ADAM18: variants seen among roughly 807,000 people sequenced by gnomAD.
The protein encoded by ADAM18 is ADAM metallopeptidase domain 18.
Under a neutral mutation model 94.4 loss-of-function variants are expected in ADAM18, and 117 were observed. That is an observed-to-expected ratio of 1.24 (90% CI 1.07 to 1.45). The LOEUF is 1.45. Ranked by LOEUF, ADAM18 falls within the 40% of genes most tolerant of loss-of-function variation. The pLI, the probability that ADAM18 is intolerant of heterozygous loss-of-function variation, is 0.00. For synonymous variants in ADAM18, 327 were observed against 291.6 expected (o/e 1.12, Z -1.24); for missense variants, 936 against 880.0 (o/e 1.06, Z -0.81).
intron 2 of ADAM18, among the ~76,000 whole-genome samples, chr8:39,596,421 GA>G (rs1818742105): frequency 6.6e-6 from 1 of 152,050 alleles, no homozygotes; most frequent in African/African-American, 2.4e-5. Context: ...GTTATAATTG[GA>G]ATCTTGAAGT....
At chr8:39,605,084 G>A (rs1235018859) in intron 2 of ADAM18, among the ~76,000 whole-genome samples, 1 of 152,076 alleles carries the variant, frequency 6.6e-6, no homozygotes, top group African/African-American at 2.4e-5. Flanking sequence ...TGGGTGATGA[G>A]CAGATAGCCT....
In ADAM18 at chr8:39,636,038, A is replaced by G. The variant is rs1292583559; in HGVS notation, c.589-1226A>G. ...TTTTTTTTTTGAGAGAGAGAGAGAG[A>G]GAGGGGGCCTCACTCTCTCATGCAG... On this transcript the variant is annotated intron_variant, in intron 7 of 19. Coordinates refer to ENST00000265707, the MANE Select transcript of ADAM18 (RefSeq NM_014237.3). Among the ~76,000 whole-genome samples the G allele has an allele frequency of 6.2e-5, 9 of 146,176 alleles. No individual in the cohort carries two copies. In the East Asian group the frequency reaches 9.8e-4, roughly 16 times the overall value.
intron 3 of ADAM18, among the ~76,000 whole-genome samples, chr8:39,608,057 G>T (rs995244680): frequency 6.6e-6 from 1 of 151,744 alleles, no homozygotes; most frequent in Admixed American, 6.6e-5. Context: ...AGTCATGTCA[G>T]GAATTGGCAA....
chr8:39,701,731 C>T (rs925123203), intron 17 of ADAM18, among the ~76,000 whole-genome samples: 6 of 152,032 alleles, frequency 3.9e-5, no homozygotes, highest in Admixed American at 1.3e-4. Flanking sequence ...TAAGTGAGAA[C>T]GTGTGGTATT....
chr8:39,637,019 TTATATATATATATATATA>T (rs35248371), intron 7 of ADAM18, among the ~76,000 whole-genome samples: 49 of 54,850 alleles, frequency 8.9e-4, no homozygotes, highest in East Asian at 7.3e-3. Context: ...TGTGTGTATT[TTATATATATATATATATA>T]TATATATATA....
intron 14 of ADAM18, among the ~76,000 whole-genome samples, chr8:39,676,557 C>A (rs978673554): frequency 1.3e-5 from 2 of 151,674 alleles, no homozygotes; most frequent in African/African-American, 4.8e-5. Context: ...GTCACAGCAT[C>A]CCTTGGCTAG....
At chr8:39,627,408 C>A (rs1437723247) in intron 6 of ADAM18, among the ~76,000 whole-genome samples, 1 of 152,108 alleles carries the variant, frequency 6.6e-6, no homozygotes, top group Non-Finnish European at 1.5e-5. Flanking sequence ...CTCCACCTGA[C>A]CCCACCTTTG....
At chr8:39,686,531 C>G (rs1821609894) in intron 16 of ADAM18, among the ~76,000 whole-genome samples, 1 of 152,140 alleles carries the variant, frequency 6.6e-6, no homozygotes, top group African/African-American at 2.4e-5. Context: ...ACGGGATCCA[C>G]TTTTTAATAT....
At chr8:39,592,807 C>T (rs974914330) in intron 2 of ADAM18, among the ~76,000 whole-genome samples, 16 of 152,142 alleles carry the variant, frequency 1.1e-4, no homozygotes, top group Admixed American at 3.3e-4. Context: ...CAATCAAGCA[C>T]GTGTACCCCT....
At chr8:39,657,027 TATAAAAC>T (rs1470011664) in intron 12 of ADAM18, among the ~76,000 whole-genome samples, 3 of 152,160 alleles carry the variant, frequency 2.0e-5, no homozygotes, top group Non-Finnish European at 4.4e-5. Flanking sequence ...CTCAGGTATA[TATAAAAC>T]ATAAAACATT....
intron 13 of ADAM18, among the ~76,000 whole-genome samples, chr8:39,664,731 A>G (rs1036826589): frequency 2.6e-5 from 4 of 152,178 alleles, no homozygotes; most frequent in East Asian, 3.8e-4. Flanking sequence ...TGAAATGAAC[A>G]GTATTTATTG....
rs1457858120 is a variant in ADAM18, at chr8:39,686,048, A to C, written c.1821+5822A>C. On this transcript the variant is annotated intron_variant, in intron 16 of 19. Transcript: ENST00000265707. ...AGCTAGGTAACCTGTGAGAAAACTG[A>C]GGTTTTCTCTAAAGCTGTCCTTTTC... 2.0e-5 allele frequency among the ~76,000 whole-genome samples: 3 copies of C among 152,128 alleles called. No homozygotes were observed. In the East Asian group the frequency reaches 5.8e-4, roughly 29 times the overall value.
chr8:39,585,338 G>A lies in ADAM18; in HGVS notation c.118G>A (p.Val40Ile). 6.2e-7 allele frequency: 1 copy of A among 1,612,478 alleles called. No homozygotes were observed. The highest frequency in any genetic ancestry group is 8.5e-7 in the Non-Finnish European group (1 of 1,178,844). Reference protein sequence around the residue: ...PRKIKSNDSEVSERKMIYIIT... With the variant: ...PRKIKSNDSEISERKMIYIIT... ...GAAGATTAAGTCAAATGACAGTGAA[G>A]TTTCAGAGAGGAAGGTAAATGATGA... The change falls in exon 2 of 20, where the codon GTT becomes ATT. Residue 40 changes from valine (V) to isoleucine (I), a missense_variant. Transcript: ENST00000265707.
chr8:39,585,065 A>T (rs962162612), intron 1 of ADAM18, among the ~76,000 whole-genome samples: 9 of 151,148 alleles, frequency 6.0e-5, no homozygotes, highest in Admixed American at 1.3e-4. Context: ...GCAATGTCTA[A>T]TTTTTTTTTC....
intron 18 of ADAM18, among the ~76,000 whole-genome samples, chr8:39,709,386 T>C (rs994593998): frequency 3.3e-5 from 5 of 152,164 alleles, no homozygotes; most frequent in African/African-American, 1.2e-4. Context: ...TCTGGGGTCT[T>C]TATAGGCACA....
intron 15 of ADAM18, among the ~76,000 whole-genome samples, chr8:39,679,351 AGATT>A (rs1821380116): frequency 6.6e-6 from 1 of 152,204 alleles, no homozygotes; most frequent in Admixed American, 6.5e-5. Flanking sequence ...AAAGTGACAT[AGATT>A]ATCTTTCAGA....
chr8:39,646,544 T>C (rs1035857472), intron 11 of ADAM18, among the ~76,000 whole-genome samples: 1 of 152,144 alleles, frequency 6.6e-6, no homozygotes, highest in African/African-American at 2.4e-5. Flanking sequence ...TGTATTTGTG[T>C]TGGGTATGGA....
chr8:39,586,760 C>CTA (rs1818406556), intron 2 of ADAM18, among the ~76,000 whole-genome samples: 2 of 45,122 alleles, frequency 4.4e-5, no homozygotes, highest in Admixed American at 3.9e-4. Context: ...AAAAAACTAT[C>CTA]TATCTATCTA....
intron 17 of ADAM18, 89 bp downstream of exon 17, chr8:39,692,769 C>CT: frequency 9.9e-7 from 1 of 1,013,790 alleles, no homozygotes; most frequent in Non-Finnish European, 1.5e-6. Context: ...TCTAGGTTGA[C>CT]TTGCCTAGCT....
Sources: gnomAD v4.1 joint callset for allele counts (sites outside exome capture counted in the v4.1 genomes callset) on GRCh38, gnomAD v4.1.1 for gene constraint, MANE v1.5 for transcripts, NCBI Gene and HGNC (gene_info 2026-07-23, HGNC 2026-07-21) for gene names.